The following GRID2 variants were observed in gnomAD, a reference collection of about 807,000 sequenced individuals.
The protein encoded by GRID2 is glutamate ionotropic receptor delta type subunit 2.
A neutral mutation model predicts 114.8 loss-of-function variants in GRID2; 33 were observed. The observed-to-expected ratio is 0.29, with a 90% confidence interval of 0.22 to 0.38. GRID2 has a LOEUF of 0.38. GRID2 is among the 10% of genes least tolerant of loss of function. The pLI is 1.00. For synonymous variants in GRID2, 505 were observed against 449.9 expected (o/e 1.12, Z -1.55); for missense variants, 1,184 against 1,257.7 (o/e 0.94, Z 0.89).
At chr4:92,374,324 T>C (rs908712470) in intron 1 of GRID2, among the ~76,000 whole-genome samples, 4 of 152,160 alleles carry the variant, frequency 2.6e-5, no homozygotes, top group African/African-American at 9.7e-5. Flanking sequence ...TAATCCCAGG[T>C]CTTTAGATAA....
At chr4:93,132,036 A>G (rs1177577353) in intron 4 of GRID2, among the ~76,000 whole-genome samples, 2 of 152,166 alleles carry the variant, frequency 1.3e-5, no homozygotes, top group Admixed American at 6.5e-5. Flanking sequence ...ACAAAAATGG[A>G]CTATAAACAA....
At chr4:93,376,827 A>T (rs1364544892) in intron 8 of GRID2, among the ~76,000 whole-genome samples, 1 of 152,176 alleles carries the variant, frequency 6.6e-6, no homozygotes, top group Non-Finnish European at 1.5e-5. Flanking sequence ...CCCGGGGTGG[A>T]GTGCAGAGAG....
intron 2 of GRID2, among the ~76,000 whole-genome samples, chr4:92,799,800 CAGTA>C (rs1740068444): frequency 2.6e-5 from 4 of 151,966 alleles, no homozygotes; most frequent in South Asian, 4.1e-4. Context: ...CTGCCCATAA[CAGTA>C]AGTATCGTTT....
chr4:93,314,993 T>TAA (rs1293352770), intron 8 of GRID2, among the ~76,000 whole-genome samples: 1 of 152,134 alleles, frequency 6.6e-6, no homozygotes, highest in Non-Finnish European at 1.5e-5. Context: ...GGGTAATTTA[T>TAA]AAAGAAAAGA....
chr4:92,506,905 T>C (rs1200978644), intron 1 of GRID2, among the ~76,000 whole-genome samples: 1 of 151,916 alleles, frequency 6.6e-6, no homozygotes, highest in South Asian at 2.1e-4. Context: ...ATATGTCTTT[T>C]ATTTATCTTC....
chr4:92,924,929 C>T (rs186378223), intron 2 of GRID2, among the ~76,000 whole-genome samples: 2 of 152,052 alleles, frequency 1.3e-5, no homozygotes, highest in African/African-American at 4.8e-5. Context: ...CTGTTTCTGA[C>T]CTGCTTTTCT....
At chr4:92,944,530 G>A (rs1321400894) in intron 2 of GRID2, among the ~76,000 whole-genome samples, 1 of 152,190 alleles carries the variant, frequency 6.6e-6, no homozygotes, top group African/African-American at 2.4e-5. Context: ...CCCGGTTGAG[G>A]CGATGCCTCG....
chr4:93,503,172 A>G (rs1264312734), intron 12 of GRID2, among the ~76,000 whole-genome samples: 2 of 152,114 alleles, frequency 1.3e-5, no homozygotes, highest in African/African-American at 4.8e-5. Flanking sequence ...AGTATGGAGC[A>G]TCCTTCTGTG....
intron 2 of GRID2, among the ~76,000 whole-genome samples, chr4:92,625,635 AT>A (rs1282858203): frequency 6.6e-6 from 1 of 151,790 alleles, no homozygotes; most frequent in Non-Finnish European, 1.5e-5. Flanking sequence ...TCAGCCCTAG[AT>A]TTTTTATCTG....
chr4:93,205,097 C>T (rs1742548833), intron 4 of GRID2, among the ~76,000 whole-genome samples: 1 of 152,018 alleles, frequency 6.6e-6, no homozygotes, highest in Non-Finnish European at 1.5e-5. Context: ...AATGGAGTCT[C>T]ACGTATTTTC....
Position 92,981,167 on chromosome 4 carries a change from G to A in GRID2, c.245-103828G>A, listed in dbSNP as rs1754185030. On this transcript the variant is annotated intron_variant, in intron 2 of 15. Transcript: ENST00000282020. ...ATTTTAAAATACTTCCAGTATGTATGTATAATTTAGTAGGAAAGTTTGCTG... is the reference window on the plus strand; with the variant it reads ...ATTTTAAAATACTTCCAGTATGTATATATAATTTAGTAGGAAAGTTTGCTG... Among the ~76,000 whole-genome samples, 3 of 152,084 alleles carry A rather than the reference G, an allele frequency of 2.0e-5. No individual in the cohort carries two copies. The South Asian group carries it at 6.2e-4, about 32-fold the overall frequency.
chr4:92,432,804 AAACAG>A (rs1277605152), intron 1 of GRID2, among the ~76,000 whole-genome samples: 1 of 152,014 alleles, frequency 6.6e-6, no homozygotes, highest in African/African-American at 2.4e-5. Context: ...TTCTTTCCTC[AAACAG>A]AAGGAGCCTT....
chr4:92,760,251 A>G (rs1737932668), intron 2 of GRID2, among the ~76,000 whole-genome samples: 1 of 151,288 alleles, frequency 6.6e-6, no homozygotes, highest in African/African-American at 2.4e-5. Context: ...AAAAAAAAAA[A>G]AAAAAAAAAA....
chr4:92,970,268 C>T (rs1290185506), intron 2 of GRID2, among the ~76,000 whole-genome samples: 3 of 151,852 alleles, frequency 2.0e-5, no homozygotes, highest in Non-Finnish European at 2.9e-5. Flanking sequence ...AGTGTTTGTA[C>T]TTAATTGAAG....
At chr4:93,065,724 G>T (rs1385036640) in intron 2 of GRID2, among the ~76,000 whole-genome samples, 3 of 151,840 alleles carry the variant, frequency 2.0e-5, no homozygotes, top group African/African-American at 7.2e-5. Flanking sequence ...CAGGTAGCTG[G>T]TAGTCATTTG....
chr4:93,189,421 AC>A (rs1740754430), intron 4 of GRID2, among the ~76,000 whole-genome samples: 2 of 151,880 alleles, frequency 1.3e-5, no homozygotes, highest in Admixed American at 1.3e-4. Flanking sequence ...CACTAATCCT[AC>A]TCATGACGGT....
At chr4:93,514,520 A>G (rs1467151352) in intron 12 of GRID2, among the ~76,000 whole-genome samples, 2 of 152,026 alleles carry the variant, frequency 1.3e-5, no homozygotes, top group Admixed American at 1.3e-4. Context: ...CTTGCGTTGG[A>G]AATACTATGG....
intron 1 of GRID2, among the ~76,000 whole-genome samples, chr4:93,782,186 A>T (rs1734494311): frequency 6.6e-6 from 1 of 152,106 alleles, no homozygotes; most frequent in African/African-American, 2.4e-5. Context: ...AAATAGGTCC[A>T]GTGTCTCCAA....
intron 13 of GRID2, among the ~76,000 whole-genome samples, chr4:93,617,234 G>A (rs1741770990): frequency 6.6e-6 from 1 of 152,126 alleles, no homozygotes; most frequent in African/African-American, 2.4e-5. Context: ...ACCTAGTAAT[G>A]AGGAAAAGTA....
Sources: allele counts gnomAD v4.1 joint callset (sites outside exome capture counted in the v4.1 genomes callset), GRCh38; gene constraint gnomAD v4.1.1; transcripts MANE v1.5; gene names NCBI Gene and HGNC (gene_info 2026-07-23, HGNC 2026-07-21).